The following BCLAF1 variants were observed in gnomAD, a reference collection of about 807,000 sequenced individuals.
BCLAF1 encodes the protein bcl-2-associated transcription factor 1.
BCLAF1 carries 10 observed loss-of-function variants against 99.5 expected under a neutral mutation model. The observed-to-expected ratio is 0.10, with a 90% confidence interval of 0.06 to 0.17. BCLAF1 has a LOEUF of 0.17. BCLAF1 is among the 10% of genes least tolerant of loss of function. The pLI, the probability that BCLAF1 is intolerant of heterozygous loss-of-function variation, is 1.00. For synonymous variants in BCLAF1, 255 were observed against 370.9 expected (o/e 0.69, Z 3.59); for missense variants, 636 against 1,105.8 (o/e 0.58, Z 6.02).
At chr6:136,274,157 T>C (rs1231713491) in intron 6 of BCLAF1, 4 of 1,288,932 alleles carry the variant, frequency 3.1e-6, no homozygotes, top group Admixed American at 2.3e-5. Flanking sequence ...CTTTGAAACA[T>C]GGATTTTGCC....
At chr6:136,270,198 G>C (rs1276681244) in intron 8 of BCLAF1, 1 of 151,748 alleles carries the variant, frequency 6.6e-6, no homozygotes, top group African/African-American at 2.4e-5. Flanking sequence ...CCAATTGGTT[G>C]AACAAGGGTA....
intron 1 of BCLAF1, among the ~76,000 whole-genome samples, chr6:136,289,449 C>A (rs1385690911): frequency 6.6e-6 from 1 of 152,148 alleles, no homozygotes; most frequent in Non-Finnish European, 1.5e-5. Context: ...CGGGAGGCCG[C>A]GCGGGCTGTG....
At chr6:136,277,237 C>T (rs1783555918) in intron 4 of BCLAF1, among the ~76,000 whole-genome samples, 1 of 152,140 alleles carries the variant, frequency 6.6e-6, no homozygotes, top group Non-Finnish European at 1.5e-5. Flanking sequence ...TGAGAAATAC[C>T]ATTACCTTTT....
intron 6 of BCLAF1, among the ~76,000 whole-genome samples, chr6:136,275,031 G>A (rs1405288620): frequency 2.0e-5 from 3 of 151,792 alleles, no homozygotes; most frequent in Admixed American, 2.0e-4. Context: ...ATCATTTTAA[G>A]ATTTTTATGT....
At position 136,288,205 on chromosome 6, in the gene BCLAF1, G is replaced by C. The variant is rs115077219; in HGVS notation, c.-115+1508C>G. 9.2e-3 allele frequency among the ~76,000 whole-genome samples: 1,404 copies of C among 152,264 alleles called. 15 individuals carry two copies. Among genetic ancestry groups the C allele is most frequent in the African/African-American group, 0.032 (1,349 of 41,562 alleles). On this transcript the variant is annotated intron_variant, in intron 1 of 12. Transcript: ENST00000531224. ...TTTCAGTATTCACCACAATGTACTG[G>C]TTGAAACATGAAATCACTAAGAGAA... is the stretch of plus-strand genomic sequence containing the variant.
At position 136,284,130 on chromosome 6, in the gene BCLAF1, G is replaced by GTATATATATATATA. The variant is rs60218804; in HGVS notation, c.-114-1457_-114-1444dup. Among the ~76,000 whole-genome samples the GTATATATATATATA allele has an allele frequency of 1.7e-3, 210 of 122,070 alleles. 3 individuals carry two copies. Among genetic ancestry groups the GTATATATATATATA allele is most frequent in the African/African-American group, 5.8e-3 (142 of 24,534 alleles). The allele number at this position is 122,070 out of a possible 152,430, so 80.1% of individuals were successfully genotyped here. A position where few individuals can be genotyped will look rare whatever the true frequency, so the allele number is the denominator to read the frequency against. On this transcript the variant is annotated intron_variant, in intron 1 of 12. Coordinates refer to ENST00000531224, the MANE Select transcript of BCLAF1 (RefSeq NM_014739.3). The stretch of plus-strand genomic sequence containing the variant: ...TATACATATATATGTGTGTGTGTGT[G>GTATATATATATATA]TATATATATATATATATATATATAT...
chr6:136,275,771 A>C, intron 5 of BCLAF1, 70 bp from the exon 6 acceptor site: 1 of 1,564,700 alleles, frequency 6.4e-7, no homozygotes. Flanking sequence ...TGGTATGTTC[A>C]GAAAGTTTAA....
At chr6:136,275,425 G>A (rs1783144978) in intron 6 of BCLAF1, 107 bp downstream of exon 6, 1 of 1,076,054 alleles carries the variant, frequency 9.3e-7, no homozygotes, top group Non-Finnish European at 1.3e-6. Flanking sequence ...AATATTGGAT[G>A]TATATTTGCT....
intron 11 of BCLAF1, among the ~76,000 whole-genome samples, chr6:136,263,639 T>A (rs907738897): frequency 3.3e-5 from 5 of 152,146 alleles, no homozygotes; most frequent in African/African-American, 9.7e-5. Context: ...CTGAATCATC[T>A]TCTCTTCTCC....
intron 2 of BCLAF1, among the ~76,000 whole-genome samples, chr6:136,282,175 C>T (rs973366129): frequency 6.6e-6 from 1 of 152,294 alleles, no homozygotes; most frequent in Non-Finnish European, 1.5e-5. Flanking sequence ...TTGTAGTGGA[C>T]TTAATGAGTT....
chr6:136,286,992 TTGTGG>T (rs895889257), intron 1 of BCLAF1, among the ~76,000 whole-genome samples: 3 of 149,682 alleles, frequency 2.0e-5, no homozygotes, highest in African/African-American at 7.4e-5. Flanking sequence ...TAGCCGGCCT[TTGTGG>T]TGTGCACCTG....
rs1290926849 is a variant in BCLAF1, at chr6:136,258,857, T to C, written c.*2253A>G. 6.6e-6 allele frequency: 1 copy of C among 152,488 alleles called. No individual in the cohort carries two copies. The highest frequency in any genetic ancestry group is 1.5e-5 in the Non-Finnish European group (1 of 67,898). The allele number at this position is 152,488 out of a possible 1,614,324, so 9.4% of individuals were successfully genotyped here. On this transcript the variant is annotated 3_prime_UTR_variant, in exon 13 of 13. Transcript: ENST00000531224. ...GTACACATACACACCTAAAGAGTCATGGCCTTCTTAAACAGCTTTCTTAAT... is the reference window on the plus strand; with the variant it reads ...GTACACATACACACCTAAAGAGTCACGGCCTTCTTAAACAGCTTTCTTAAT...
In BCLAF1 at chr6:136,256,672, T is replaced by G. The variant is rs1321861340; in HGVS notation, c.*4438A>C. The G allele has an allele frequency of 7.0e-6, 1 of 143,010 alleles. No individual in the cohort carries two copies. The highest frequency in any genetic ancestry group is 1.4e-5 in the Non-Finnish European group (1 of 71,962). The allele number at this position is 143,010 out of a possible 1,614,324, so 8.9% of individuals were successfully genotyped here. A position where few individuals can be genotyped will look rare whatever the true frequency, so the allele number is the denominator to read the frequency against. ...TAGTCTGGGTAAGACTCCATCTCAA[T>G]AAATAAATAAATAAATAAATAAATA... On this transcript the variant is annotated 3_prime_UTR_variant, in exon 13 of 13. Coordinates refer to ENST00000531224, the MANE Select transcript of BCLAF1 (RefSeq NM_014739.3).
intron 10 of BCLAF1, 112 bp from the exon 11 acceptor site, chr6:136,267,287 A>C: frequency 8.1e-7 from 1 of 1,233,766 alleles, no homozygotes; most frequent in Non-Finnish European, 1.1e-6. Context: ...TTCCTATCTA[A>C]ATCTCATGGC....
chr6:136,277,725 TGG>T, intron 4 of BCLAF1, 138 bp downstream of exon 4: 13 of 1,128,124 alleles, frequency 1.2e-5, no homozygotes, highest in Non-Finnish European at 1.6e-5. Flanking sequence ...AAAAACAATT[TGG>T]AATTATCTTA....
intron 11 of BCLAF1, among the ~76,000 whole-genome samples, chr6:136,263,162 A>G (rs1474915354): frequency 6.6e-6 from 1 of 152,160 alleles, no homozygotes; most frequent in African/African-American, 2.4e-5. Context: ...AAACAAACTG[A>G]GGCACTGAGA....
chr6:136,274,129 C>G, intron 6 of BCLAF1: 1 of 1,288,804 alleles, frequency 7.8e-7, no homozygotes, highest in Non-Finnish European at 1.0e-6. Flanking sequence ...TTGCCTGTAT[C>G]TTTCAACAGC....
At chr6:136,269,982 T>C (rs1782281646) in intron 8 of BCLAF1, 1 of 160,008 alleles carries the variant, frequency 6.2e-6, no homozygotes, top group Admixed American at 6.3e-5. Flanking sequence ...TTTCAATAGT[T>C]GAACAATGAC....
At chr6:136,261,690 C>A (rs1781023710) in intron 11 of BCLAF1, among the ~76,000 whole-genome samples, 1 of 152,094 alleles carries the variant, frequency 6.6e-6, no homozygotes, top group African/African-American at 2.4e-5. Context: ...TACTTAGCAA[C>A]CCAAGCACTG....
Sources: gnomAD v4.1 joint callset for allele counts (sites outside exome capture counted in the v4.1 genomes callset) on GRCh38, gnomAD v4.1.1 for gene constraint, MANE v1.5 for transcripts, NCBI Gene and HGNC (gene_info 2026-07-23, HGNC 2026-07-21) for gene names.